CAMK1D: variants seen among roughly 807,000 people sequenced by gnomAD.
The protein encoded by CAMK1D is calcium/calmodulin-dependent protein kinase type 1D.
Under a neutral mutation model 47.7 loss-of-function variants are expected in CAMK1D, and 9 were observed. That is an observed-to-expected ratio of 0.19 (90% CI 0.11 to 0.33). The LOEUF (loss-of-function observed/expected upper bound fraction) is 0.33, where lower values mean the gene tolerates loss of function less well. Ranked by LOEUF, CAMK1D falls within the 10% of genes least tolerant of loss-of-function variation. The pLI, the probability that CAMK1D is intolerant of heterozygous loss-of-function variation, is 1.00. For synonymous variants in CAMK1D, 184 were observed against 184.9 expected (o/e 0.99, Z 0.04); for missense variants, 291 against 488.7 (o/e 0.60, Z 3.81).
At chr10:12,612,086 A>G (rs1838645083) in intron 2 of CAMK1D, among the ~76,000 whole-genome samples, 1 of 152,170 alleles carries the variant, frequency 6.6e-6, no homozygotes, top group Non-Finnish European at 1.5e-5. Context: ...GTGCTCTGTG[A>G]GAAGAGAAAT....
intron 3 of CAMK1D, among the ~76,000 whole-genome samples, chr10:12,711,297 G>A (rs893800910): frequency 3.3e-5 from 5 of 152,134 alleles, no homozygotes; most frequent in Non-Finnish European, 7.4e-5. Flanking sequence ...TGCAGGCTAA[G>A]GGGGAAAACA....
rs193086485 is a variant in CAMK1D, at chr10:12,531,749, G to A, written c.93-21476G>A. Among the ~76,000 whole-genome samples the A allele has an allele frequency of 1.4e-4, 21 of 152,284 alleles. No homozygotes were observed. In the East Asian group the frequency reaches 3.5e-3, roughly 25 times the overall value. ...AAACTGCTGTCCCCTGACATCGCCC[G>A]GCCTGTCTCTGTTTTCTAAGCAATA... On this transcript the variant is annotated intron_variant, in intron 1 of 10. Coordinates refer to ENST00000619168, the MANE Select transcript of CAMK1D (RefSeq NM_153498.4).
At chr10:12,592,864 C>T (rs1376176897) in intron 2 of CAMK1D, among the ~76,000 whole-genome samples, 5 of 152,200 alleles carry the variant, frequency 3.3e-5, no homozygotes, top group Non-Finnish European at 5.9e-5. Context: ...ATGCCAGTCT[C>T]CTTTCTAAGA....
chr10:12,604,059 C>T (rs752578359), intron 2 of CAMK1D, among the ~76,000 whole-genome samples: 3 of 151,972 alleles, frequency 2.0e-5, no homozygotes, highest in Non-Finnish European at 2.9e-5. Flanking sequence ...CTCTGGACTC[C>T]GATAGTAGTT....
intron 6 of CAMK1D, among the ~76,000 whole-genome samples, chr10:12,807,262 A>G (rs1564576844): frequency 6.6e-6 from 1 of 152,120 alleles, no homozygotes; most frequent in South Asian, 2.1e-4. Flanking sequence ...CATGGAACAC[A>G]TTCTCTCCAG....
chr10:12,532,283 CTT>C (rs375755257), intron 1 of CAMK1D, among the ~76,000 whole-genome samples: 11 of 144,246 alleles, frequency 7.6e-5, no homozygotes, highest in Admixed American at 1.4e-4. Context: ...TTTTTATTTT[CTT>C]TTTTTTTTTT....
At chr10:12,434,787 C>A (rs190459551) in intron 1 of CAMK1D, among the ~76,000 whole-genome samples, 1 of 152,296 alleles carries the variant, frequency 6.6e-6, no homozygotes, top group East Asian at 1.9e-4. Flanking sequence ...TCACCTTGAT[C>A]GCCTTCAGTC....
Position 12,419,274 on chromosome 10 carries a change from A to G in CAMK1D, c.92+69364A>G, listed in dbSNP as rs1403575058. On this transcript the variant is annotated intron_variant, in intron 1 of 10. Transcript: ENST00000619168. ...TGAAAAAAAAAATAAATAAAAGGCA[A>G]GAGTGAGAAAACCAAACTCAAGGAG... Among the ~76,000 whole-genome samples the G allele has an allele frequency of 2.0e-5, 3 of 152,158 alleles. No homozygotes were observed. In the East Asian group the frequency reaches 5.8e-4, roughly 29 times the overall value.
At chr10:12,488,539 C>G (rs371492216) in intron 1 of CAMK1D, among the ~76,000 whole-genome samples, 1 of 152,012 alleles carries the variant, frequency 6.6e-6, no homozygotes, top group African/African-American at 2.4e-5. Context: ...GGGATGGTTT[C>G]GGGATGATTC....
At chr10:12,707,002 T>TAAAC (rs1178818418) in intron 3 of CAMK1D, among the ~76,000 whole-genome samples, 21 of 152,150 alleles carry the variant, frequency 1.4e-4, no homozygotes, top group Non-Finnish European at 3.1e-4. Flanking sequence ...ACTGTGCGGT[T>TAAAC]TGGGAAGACA....
rs1043194752 is a variant in CAMK1D at position 12,400,864 on chromosome 10, C to T, written c.92+50954C>T. 4.0e-5 allele frequency among the ~76,000 whole-genome samples: 6 copies of T among 150,320 alleles called. No individual in the cohort carries two copies. The South Asian group carries it at 1.0e-3, about 26-fold the overall frequency. On this transcript the variant is annotated intron_variant, in intron 1 of 10. Coordinates refer to ENST00000619168, the MANE Select transcript of CAMK1D (RefSeq NM_153498.4). The stretch of plus-strand genomic sequence containing the variant: ...AGGCACAGTGGCTCGCACCTGTAAA[C>T]CCAGAACTTTGGGAGGCCGAGGTGG...
At chr10:12,448,756 T>C (rs932943702) in intron 1 of CAMK1D, among the ~76,000 whole-genome samples, 1 of 152,256 alleles carries the variant, frequency 6.6e-6, no homozygotes, top group African/African-American at 2.4e-5. Context: ...AAGAAAGGAA[T>C]GAGAAGAAAT....
intron 1 of CAMK1D, among the ~76,000 whole-genome samples, chr10:12,469,763 A>G (rs2768412): frequency 0.38 from 57,717 of 152,160 alleles, 11,181 homozygotes; most frequent in Non-Finnish European, 0.41. Context: ...ACTTTAGTGG[A>G]AATGACCCTT....
chr10:12,368,198 C>CAAAAAAA (rs759817546), intron 1 of CAMK1D, among the ~76,000 whole-genome samples: 2 of 89,928 alleles, frequency 2.2e-5, no homozygotes, highest in Admixed American at 1.3e-4. Flanking sequence ...GACTCCGTCT[C>CAAAAAAA]AAAAAAAAAA....
intron 3 of CAMK1D, among the ~76,000 whole-genome samples, chr10:12,714,458 C>T (rs1164604416): frequency 5.3e-5 from 8 of 152,108 alleles, no homozygotes; most frequent in Non-Finnish European, 7.4e-5. Flanking sequence ...CGGTGGCTCA[C>T]GCCTGTAATC....
At chr10:12,783,935 A>G (rs1837608882) in intron 5 of CAMK1D, among the ~76,000 whole-genome samples, 1 of 152,146 alleles carries the variant, frequency 6.6e-6, no homozygotes, top group African/African-American at 2.4e-5. Context: ...TCTGAGAAGG[A>G]CCACATCTCT....
At chr10:12,374,991 C>G (rs561344024) in intron 1 of CAMK1D, among the ~76,000 whole-genome samples, 1 of 151,182 alleles carries the variant, frequency 6.6e-6, no homozygotes, top group South Asian at 2.1e-4. Flanking sequence ...ATGGGGGTCT[C>G]ACTATGTGTT....
intron 6 of CAMK1D, among the ~76,000 whole-genome samples, chr10:12,793,784 A>G (rs1224485831): frequency 2.0e-5 from 3 of 152,244 alleles, no homozygotes; most frequent in African/African-American, 4.8e-5. Flanking sequence ...GTGAAAGCAC[A>G]GTTCTTCTAG....
At chr10:12,599,320 G>A (rs547029504) in intron 2 of CAMK1D, among the ~76,000 whole-genome samples, 2 of 152,114 alleles carry the variant, frequency 1.3e-5, no homozygotes, top group African/African-American at 4.8e-5. Flanking sequence ...TCAGTGAGGC[G>A]GGATGCAGCT....
Sources: gnomAD v4.1 joint callset for allele counts (sites outside exome capture counted in the v4.1 genomes callset) on GRCh38, gnomAD v4.1.1 for gene constraint, MANE v1.5 for transcripts, NCBI Gene and HGNC (gene_info 2026-07-23, HGNC 2026-07-21) for gene names.